The following CNTN1 variants were observed in gnomAD, a reference collection of about 807,000 sequenced individuals.
The protein encoded by CNTN1 is contactin-1.
Under a neutral mutation model 126.4 loss-of-function variants are expected in CNTN1, and 38 were observed. The ratio of observed to expected loss-of-function variants is 0.30; its 90% CI spans 0.23 to 0.39. The LOEUF is 0.39. Among genes scored for constraint, CNTN1 ranks in the 10% least tolerant of loss-of-function variants. CNTN1 has a pLI of 1.00. For missense variants in CNTN1, 1,009 were observed against 1,248.4 expected, an observed-to-expected ratio of 0.81 and a Z score of 2.89; for synonymous variants, 413 against 422.6, an observed-to-expected ratio of 0.98 and a Z score of 0.28.
At chr12:40,936,718 T>G in intron 9 of CNTN1, 63 bp from the exon 10 acceptor site, 1 of 1,590,560 alleles carries the variant, frequency 6.3e-7, no homozygotes. Flanking sequence ...ATATTTATAC[T>G]CTGGAGATTA....
At chr12:40,919,177 A>G (rs1945349949) in intron 4 of CNTN1, among the ~76,000 whole-genome samples, 1 of 152,212 alleles carries the variant, frequency 6.6e-6, no homozygotes, top group Non-Finnish European at 1.5e-5. Context: ...TATATTAAGT[A>G]CATTTAAAGA....
At chr12:40,707,021 T>C (rs1941759911) in intron 1 of CNTN1, among the ~76,000 whole-genome samples, 2 of 150,192 alleles carry the variant, frequency 1.3e-5, no homozygotes, top group African/African-American at 2.5e-5. Context: ...AACATACATA[T>C]AAAGACGTGC....
At chr12:41,067,733 A>C (rs1950076923) in intron 23 of CNTN1, among the ~76,000 whole-genome samples, 1 of 150,138 alleles carries the variant, frequency 6.7e-6, no homozygotes, top group East Asian at 1.9e-4. Context: ...AACCTGCACA[A>C]TGTGCACATG....
chr12:40,725,275 C>A (rs1942321388), intron 1 of CNTN1, among the ~76,000 whole-genome samples: 1 of 151,810 alleles, frequency 6.6e-6, no homozygotes, highest in Non-Finnish European at 1.5e-5. Flanking sequence ...GTGGTGCATG[C>A]CTGTAATTCC....
intron 1 of CNTN1, among the ~76,000 whole-genome samples, chr12:40,906,508 A>G (rs934691059): frequency 6.6e-6 from 1 of 152,138 alleles, no homozygotes; most frequent in Non-Finnish European, 1.5e-5. Context: ...TGTGTTCTCA[A>G]AATCCATTAA....
At chr12:40,993,385 G>C (rs1948138396) in intron 17 of CNTN1, 116 bp downstream of exon 17, 1 of 847,616 alleles carries the variant, frequency 1.2e-6, no homozygotes, top group East Asian at 2.7e-5. Context: ...CATCTGAAAA[G>C]CATGTGTGTG....
intron 23 of CNTN1, among the ~76,000 whole-genome samples, chr12:41,068,714 T>C (rs1389063393): frequency 6.6e-6 from 1 of 152,156 alleles, no homozygotes. Context: ...ATAATAATAA[T>C]TTATTTGGTG....
chr12:40,783,752 G>A (rs1372693848), intron 1 of CNTN1, among the ~76,000 whole-genome samples: 1 of 152,012 alleles, frequency 6.6e-6, no homozygotes, highest in African/African-American at 2.4e-5. Flanking sequence ...GAATAAAGAA[G>A]GGAAACTCTT....
chr12:40,820,751 G>C (rs1158171956), intron 1 of CNTN1, among the ~76,000 whole-genome samples: 2 of 152,208 alleles, frequency 1.3e-5, no homozygotes, highest in African/African-American at 4.8e-5. Flanking sequence ...GGGAAACCAT[G>C]TTGGCACCTG....
At chr12:41,066,156 A>G (rs911424870) in intron 23 of CNTN1, among the ~76,000 whole-genome samples, 1 of 152,252 alleles carries the variant, frequency 6.6e-6, no homozygotes, top group Non-Finnish European at 1.5e-5. Context: ...GGACTCCTGG[A>G]CTGAGTAGTA....
chr12:40,908,297 T>G (rs1190745647), intron 1 of CNTN1, 60 bp from the exon 2 acceptor site: 2 of 635,440 alleles, frequency 3.1e-6, no homozygotes, highest in Non-Finnish European at 5.6e-6. Flanking sequence ...TCCTCTCCCC[T>G]TCCTTCCCCT....
intron 1 of CNTN1, among the ~76,000 whole-genome samples, chr12:40,824,350 CAAGCCTTTTCTTCCAACACT>C (rs773242022): frequency 3.5e-4 from 53 of 152,032 alleles, no homozygotes; most frequent in Non-Finnish European, 7.2e-4. Flanking sequence ...GAAATGCCTT[CAAGCCTTTTCTTCCAACACT>C]AAGCCTTGAG....
intron 1 of CNTN1, among the ~76,000 whole-genome samples, chr12:40,825,174 T>C (rs1427617989): frequency 6.6e-6 from 1 of 152,152 alleles, no homozygotes; most frequent in East Asian, 1.9e-4. Flanking sequence ...ATGATATTGG[T>C]AGGACACAGA....
intron 1 of CNTN1, among the ~76,000 whole-genome samples, chr12:40,855,747 G>A (rs1297105202): frequency 6.6e-6 from 1 of 151,954 alleles, no homozygotes; most frequent in Non-Finnish European, 1.5e-5. Context: ...TAACAGACGG[G>A]CTTTTAAAAT....
At chr12:41,059,585 G>A (rs1054066492) in intron 23 of CNTN1, among the ~76,000 whole-genome samples, 3 of 152,172 alleles carry the variant, frequency 2.0e-5, no homozygotes, top group Non-Finnish European at 4.4e-5. Context: ...TTTTAGGTAT[G>A]TAAATATAAG....
chr12:40,841,505 G>A (rs1942279091), intron 1 of CNTN1, among the ~76,000 whole-genome samples: 2 of 151,780 alleles, frequency 1.3e-5, no homozygotes, highest in Admixed American at 6.6e-5. Flanking sequence ...TATGTCTAAG[G>A]AACATGGACA....
At chr12:41,063,020 A>T (rs1949970219) in intron 23 of CNTN1, among the ~76,000 whole-genome samples, 1 of 152,180 alleles carries the variant, frequency 6.6e-6, no homozygotes, top group South Asian at 2.1e-4. Context: ...TTTTCAGACA[A>T]ATTCTTATGA....
intron 15 of CNTN1, 127 bp downstream of exon 15, chr12:40,959,361 G>A: frequency 1.0e-6 from 1 of 988,834 alleles, no homozygotes; most frequent in South Asian, 1.4e-5. Flanking sequence ...GCTTAAGAAT[G>A]GATCTTAAGC....
intron 1 of CNTN1, among the ~76,000 whole-genome samples, chr12:40,843,016 G>A (rs1279699990): frequency 6.6e-6 from 1 of 152,102 alleles, no homozygotes; most frequent in Non-Finnish European, 1.5e-5. Flanking sequence ...ATGGAGTCAA[G>A]GTGTAGCTGG....
Sources: gnomAD v4.1 joint callset for allele counts (sites outside exome capture counted in the v4.1 genomes callset) on GRCh38, gnomAD v4.1.1 for gene constraint, MANE v1.5 for transcripts, NCBI Gene and HGNC (gene_info 2026-07-23, HGNC 2026-07-21) for gene names.